The following PPP1R21 variants were observed in gnomAD, a reference collection of about 807,000 sequenced individuals.
PPP1R21 encodes the protein KLRAQ motif containing 1.
A neutral mutation model predicts 112.8 loss-of-function variants in PPP1R21; 85 were observed. The observed-to-expected ratio is 0.75, with a 90% CI of 0.63 to 0.90. PPP1R21 has a LOEUF of 0.90. Among genes scored for constraint, PPP1R21 ranks in the 40% least tolerant of loss-of-function variants. The pLI is 0.00. For missense variants in PPP1R21, 1,199 were observed against 901.5 expected (o/e 1.33, Z -4.23); for synonymous variants, 381 against 322.3 (o/e 1.18, Z -1.95).
intron 14 of PPP1R21, among the ~76,000 whole-genome samples, chr2:48,489,058 C>A (rs1669439507): frequency 6.6e-6 from 1 of 152,098 alleles, no homozygotes; most frequent in Non-Finnish European, 1.5e-5. Context: ...AGTAAAATAT[C>A]AGTGAAAAAT....
rs188105876 is a variant in PPP1R21 at position 48,514,171 on chromosome 2, C to T, written c.2314-544C>T. On this transcript the variant is annotated intron_variant, in intron 21 of 21. Transcript: ENST00000294952. ...CGCCATCTTGGCTCACTGCAAGCTC[C>T]GCCTCCCGGGTTCATGCCATTCTCC... is the stretch of plus-strand genomic sequence containing the variant. 3.1e-4 allele frequency among the ~76,000 whole-genome samples: 47 copies of T among 150,448 alleles called. No homozygotes were observed. In the East Asian group the frequency reaches 8.2e-3, roughly 26 times the overall value.
At chr2:48,442,336 G>A (rs1441068636) in intron 1 of PPP1R21, among the ~76,000 whole-genome samples, 1 of 152,198 alleles carries the variant, frequency 6.6e-6, no homozygotes, top group Non-Finnish European at 1.5e-5. Context: ...TATAAAGCAA[G>A]GGGACTGATT....
rs1217475380 is a variant in PPP1R21 at position 48,469,925 on chromosome 2, A to G, written c.898-1162A>G. 2.0e-5 allele frequency among the ~76,000 whole-genome samples: 3 copies of G among 152,248 alleles called. No individual in the cohort carries two copies. The East Asian group carries it at 5.8e-4, about 29-fold the overall frequency. ...GACTTGTAAGCTTAGAGTGCATTAT[A>G]TTATACAGCTCTAAAGATTGAAGCC... On this transcript the variant is annotated intron_variant, in intron 9 of 21. Coordinates refer to ENST00000294952, the MANE Select transcript of PPP1R21 (RefSeq NM_001135629.3).
Position 48,441,007 on chromosome 2 carries a change from G to C in PPP1R21, c.54G>C (p.Ser18=). The C allele has an allele frequency of 6.2e-7, 1 of 1,606,574 alleles. No individual in the cohort carries two copies. The highest frequency in any genetic ancestry group is 8.5e-7 in the Non-Finnish European group (1 of 1,173,900). The change falls in exon 1 of 22, where the codon TCG becomes TCC. Residue 18 remains serine, a synonymous_variant. Coordinates refer to ENST00000294952, the MANE Select transcript of PPP1R21 (RefSeq NM_001135629.3). The part of the protein sequence containing the change: ...GKYQKLAQEY[S]KLRAQNQVLK... The stretch of plus-strand genomic sequence containing the variant: ...ACCAGAAGCTGGCTCAGGAGTACTC[G>C]AAGGTACCCATCGTGGTCTGGGAGT...
intron 12 of PPP1R21, among the ~76,000 whole-genome samples, chr2:48,477,048 G>A (rs1398532404): frequency 7.0e-6 from 1 of 143,052 alleles, no homozygotes; most frequent in Non-Finnish European, 1.5e-5. Flanking sequence ...CTTACCCTGT[G>A]TTTTCTTCTA....
At chr2:48,448,423 T>C (rs1294404772) in intron 1 of PPP1R21, among the ~76,000 whole-genome samples, 1 of 152,252 alleles carries the variant, frequency 6.6e-6, no homozygotes, top group Non-Finnish European at 1.5e-5. Flanking sequence ...AGGTTTTTTT[T>C]CTTAAAATTA....
Position 48,495,711 on chromosome 2 carries a change from A to C in PPP1R21, c.1632A>C (p.Ala544=). The change falls in exon 16 of 22, where the codon GCA becomes GCC. Residue 544 remains alanine, a synonymous_variant. Transcript: ENST00000294952. ...PLLESVPYEE[A]LANRRILLSS... is the part of the protein sequence containing the mutation. ...TGGAGTCTGTGCCTTATGAAGAAGC[A>C]CTGGCAAACCGCCGCATCCTTCTCA... 1.2e-6 allele frequency: 2 copies of C among 1,612,512 alleles called. No individual in the cohort carries two copies. Among genetic ancestry groups the C allele is most frequent in the Non-Finnish European group, 1.7e-6 (2 of 1,178,500 alleles).
intron 13 of PPP1R21, among the ~76,000 whole-genome samples, chr2:48,481,317 G>A (rs1244347307): frequency 6.6e-6 from 1 of 152,226 alleles, no homozygotes; most frequent in African/African-American, 2.4e-5. Context: ...GAAAGTCACT[G>A]TACTTACAGA....
intron 15 of PPP1R21, among the ~76,000 whole-genome samples, chr2:48,495,413 A>C (rs1669789123): frequency 6.6e-6 from 1 of 152,200 alleles, no homozygotes; most frequent in Admixed American, 6.5e-5. Context: ...CATATTGGCC[A>C]GGCTGGTCTT....
intron 12 of PPP1R21, among the ~76,000 whole-genome samples, chr2:48,478,620 A>G (rs990548077): frequency 7.9e-5 from 12 of 152,176 alleles, no homozygotes; most frequent in Non-Finnish European, 1.8e-4. Context: ...TTTTACGGGT[A>G]TAGTTATAGA....
intron 3 of PPP1R21, among the ~76,000 whole-genome samples, chr2:48,457,152 C>A (rs1253925001): frequency 6.6e-6 from 1 of 152,080 alleles, no homozygotes; most frequent in Non-Finnish European, 1.5e-5. Context: ...AATATCCCTG[C>A]CTAGGACTGT....
At position 48,465,441 on chromosome 2, in the gene PPP1R21, T is replaced by C. The variant is rs1276473969; in HGVS notation, c.748-52T>C. The C allele has an allele frequency of 1.3e-5, 20 of 1,524,522 alleles. No individual in the cohort carries two copies. In the Admixed American group the frequency reaches 3.6e-4, roughly 27 times the overall value. 94.4% of individuals were successfully genotyped at this position (1,524,522 alleles called of 1,614,324 possible). A position where few individuals can be genotyped will look rare whatever the true frequency, so the allele number is the denominator to read the frequency against. On this transcript the variant is annotated intron_variant, in intron 8 of 21. Transcript: ENST00000294952. ...CCAGATCAGACTCAATAAAGTTCTT[T>C]TAGGATAATAATTTGAGAGTTGACC...
intron 14 of PPP1R21, among the ~76,000 whole-genome samples, chr2:48,488,978 A>G (rs1261547436): frequency 6.6e-6 from 1 of 150,974 alleles, no homozygotes; most frequent in East Asian, 1.9e-4. Flanking sequence ...CACAAGGACT[A>G]TATATAGCTC....
At chr2:48,464,004 A>G (rs951368340) in intron 7 of PPP1R21, among the ~76,000 whole-genome samples, 2 of 152,166 alleles carry the variant, frequency 1.3e-5, no homozygotes, top group African/African-American at 4.8e-5. Flanking sequence ...CGGCAATGAA[A>G]TTGTGGATTG....
chr2:48,478,252 G>T (rs1437315075), intron 12 of PPP1R21, among the ~76,000 whole-genome samples: 1 of 152,148 alleles, frequency 6.6e-6, no homozygotes. Flanking sequence ...CCTTGTTTGT[G>T]GTACTTCATT....
chr2:48,500,781 C>T (rs1007006370), intron 17 of PPP1R21, among the ~76,000 whole-genome samples: 3 of 152,048 alleles, frequency 2.0e-5, no homozygotes, highest in Non-Finnish European at 4.4e-5. Context: ...TGGCGGCCTG[C>T]GCCTGTAGTC....
At chr2:48,507,466 T>C in intron 19 of PPP1R21, 81 bp downstream of exon 19, 1 of 1,539,092 alleles carries the variant, frequency 6.5e-7, no homozygotes, top group Non-Finnish European at 8.6e-7. Flanking sequence ...TTCATGCTGT[T>C]CACTGTAAGA....
chr2:48,479,362 C>G (rs139687844), intron 12 of PPP1R21: 72 of 401,944 alleles, frequency 1.8e-4, no homozygotes, highest in African/African-American at 1.3e-3. Context: ...GTTTAAATAC[C>G]GTAGCCTCTC....
rs757665405 is a variant in PPP1R21 at position 48,458,266 on chromosome 2, G to T, written c.375+39G>T. The T allele has an allele frequency of 2.2e-6, 3 of 1,372,672 alleles. No individual in the cohort carries two copies. In the South Asian group the frequency reaches 3.5e-5, roughly 16 times the overall value. The allele number at this position is 1,372,672 out of a possible 1,614,324, so 85.0% of individuals were successfully genotyped here. A position where few individuals can be genotyped will look rare whatever the true frequency, so the allele number is the denominator to read the frequency against. ...TTTTTCTATGTGAATTAAAAAATGG[G>T]TCTGTGATCTGTTAATGTGGAAAAG... On this transcript the variant is annotated intron_variant, in intron 4 of 21. Coordinates refer to ENST00000294952, the MANE Select transcript of PPP1R21 (RefSeq NM_001135629.3).
Sources: gnomAD v4.1 joint callset for allele counts (sites outside exome capture counted in the v4.1 genomes callset) on GRCh38, gnomAD v4.1.1 for gene constraint, MANE v1.5 for transcripts, NCBI Gene and HGNC (gene_info 2026-07-23, HGNC 2026-07-21) for gene names.